The following PLCG2 variants were observed in gnomAD, a reference collection of about 807,000 sequenced individuals.
PLCG2 encodes phospholipase C gamma 2.
In PLCG2, 69 loss-of-function variants were observed where a neutral mutation model predicts 175.6. The ratio of observed to expected loss-of-function variants is 0.39; its 90% CI spans 0.32 to 0.48. The LOEUF (loss-of-function observed/expected upper bound fraction) is 0.48. PLCG2 is among the 20% of genes least tolerant of loss of function. The pLI, the probability that PLCG2 is intolerant of heterozygous loss-of-function variation, is 0.91. For missense variants in PLCG2, 1,798 were observed against 1,650.9 expected, an observed-to-expected ratio of 1.09 and a Z score of -1.54; for synonymous variants, 827 against 624.0, an observed-to-expected ratio of 1.33 and a Z score of -4.85.
At chr16:81,826,648 A>C (rs181475723) in intron 2 of PLCG2, among the ~76,000 whole-genome samples, 1 of 152,204 alleles carries the variant, frequency 6.6e-6, no homozygotes, top group Admixed American at 6.5e-5. Context: ...CCACTCATTA[A>C]CCACGTCCTC....
intron 2 of PLCG2, among the ~76,000 whole-genome samples, chr16:81,846,464 C>A (rs1040103979): frequency 6.6e-6 from 1 of 152,250 alleles, no homozygotes; most frequent in Non-Finnish European, 1.5e-5. Context: ...CCTATGATAA[C>A]ATGCAAAACA....
rs940572000 is a variant in PLCG2 at position 81,936,390 on chromosome 16, C to A, written c.3052+12C>A. 6.2e-7 allele frequency: 1 copy of A among 1,610,194 alleles called. No individual in the cohort carries two copies. Among genetic ancestry groups the A allele is most frequent in the Non-Finnish European group, 8.5e-7 (1 of 1,177,510 alleles). On this transcript the variant is annotated intron_variant, in intron 27 of 32. Coordinates refer to ENST00000564138, the MANE Select transcript of PLCG2 (RefSeq NM_002661.5). ...TTTCCAGACGGCAGGTAAAGGCCGA[C>A]TGAAGGTAGTCCCGTCCCTGCAAGG...
intron 2 of PLCG2, among the ~76,000 whole-genome samples, chr16:81,841,944 C>T (rs1218576754): frequency 1.3e-5 from 2 of 152,232 alleles, no homozygotes; most frequent in South Asian, 2.1e-4. Flanking sequence ...GCTGGTGTTG[C>T]AAGGTGGTAC....
At chr16:81,817,434 G>A (rs189333257) in intron 2 of PLCG2, among the ~76,000 whole-genome samples, 112 of 152,334 alleles carry the variant, frequency 7.4e-4, no homozygotes, top group African/African-American at 2.5e-3. Context: ...TTTCGCTTTT[G>A]TTGCGCACGC....
intron 2 of PLCG2, among the ~76,000 whole-genome samples, chr16:81,807,341 C>G (rs1904285918): frequency 6.6e-6 from 1 of 152,258 alleles, no homozygotes; most frequent in African/African-American, 2.4e-5. Flanking sequence ...GAGGAGGGCA[C>G]TGAGGAGGAT....
intron 2 of PLCG2, among the ~76,000 whole-genome samples, chr16:81,795,572 G>A (rs1162740158): frequency 6.6e-6 from 1 of 152,210 alleles, no homozygotes; most frequent in East Asian, 1.9e-4. Flanking sequence ...CAAAGGTGTT[G>A]GAGGCTACCG....
chr16:81,939,115 C>T (rs1238750326), intron 29 of PLCG2, among the ~76,000 whole-genome samples, 200 bp downstream of exon 29: 1 of 152,142 alleles, frequency 6.6e-6, no homozygotes, highest in East Asian at 1.9e-4. Flanking sequence ...TTCCCCAGTG[C>T]TGTTTGCCTG....
chr16:81,841,204 CTTTATTTATTTATTTATTTA>C lies in PLCG2; in HGVS notation c.194-13209_194-13190del, dbSNP rs144363484. 3.0e-4 allele frequency among the ~76,000 whole-genome samples: 44 copies of C among 144,732 alleles called. 1 individual carries two copies. The highest frequency in any genetic ancestry group is 6.8e-4 in the South Asian group (3 of 4,386). 94.9% of individuals were successfully genotyped at this position (144,732 alleles called of 152,430 possible). On this transcript the variant is annotated intron_variant, in intron 2 of 32. Coordinates refer to ENST00000564138, the MANE Select transcript of PLCG2 (RefSeq NM_002661.5). ...CCCTATCTGCAGGCCAAAAAGTAAACTTTATTTATTTATTTATTTATTTATTTATTTATTTATTTATTTAT... is the reference window on the plus strand; with the variant it reads ...CCCTATCTGCAGGCCAAAAAGTAAACTTTATTTATTTATTTATTTATTTAT...
upstream of PLCG2, among the ~76,000 whole-genome samples, chr16:81,774,521 G>A (rs1346824233): frequency 6.6e-6 from 1 of 152,124 alleles, no homozygotes; most frequent in Admixed American, 6.6e-5. Flanking sequence ...GCTGGGACTC[G>A]GCTCGTCGCC....
At chr16:81,883,040 C>A (rs186006660) in intron 8 of PLCG2, among the ~76,000 whole-genome samples, 42 of 152,294 alleles carry the variant, frequency 2.8e-4, no homozygotes, top group African/African-American at 8.2e-4. Flanking sequence ...AATGTAGACA[C>A]CAGGGCCTGC....
chr16:81,801,654 G>A (rs758212115), intron 2 of PLCG2, among the ~76,000 whole-genome samples: 1 of 151,894 alleles, frequency 6.6e-6, no homozygotes, highest in Non-Finnish European at 1.5e-5. Flanking sequence ...CCATTTTTTC[G>A]ATATTAGATA....
intron 2 of PLCG2, among the ~76,000 whole-genome samples, chr16:81,805,330 T>C (rs767991529): frequency 4.0e-5 from 6 of 151,516 alleles, no homozygotes; most frequent in Non-Finnish European, 5.9e-5. Context: ...AAACTCTGTC[T>C]CTACTAAAAA....
At chr16:81,844,228 C>T (rs999824475) in intron 2 of PLCG2, among the ~76,000 whole-genome samples, 4 of 149,490 alleles carry the variant, frequency 2.7e-5, no homozygotes, top group East Asian at 2.0e-4. Context: ...CTCCTGACCT[C>T]GTGATCCACC....
intron 31 of PLCG2, among the ~76,000 whole-genome samples, chr16:81,954,662 C>G (rs1014183297): frequency 6.6e-6 from 1 of 152,196 alleles, no homozygotes; most frequent in Admixed American, 6.5e-5. Flanking sequence ...CTGCAAAGGA[C>G]ATTACTTCAT....
intron 2 of PLCG2, among the ~76,000 whole-genome samples, chr16:81,807,496 G>C (rs560417020): frequency 3.9e-5 from 6 of 152,312 alleles, no homozygotes; most frequent in Admixed American, 6.5e-5. Context: ...TGTCATCACT[G>C]TCACTAACGC....
At chr16:81,896,061 C>T in intron 13 of PLCG2, 134 bp downstream of exon 13, 1 of 1,109,378 alleles carries the variant, frequency 9.0e-7, no homozygotes, top group East Asian at 2.4e-5. Flanking sequence ...CCATCTTGGC[C>T]AAAGCCACTG....
intron 3 of PLCG2, among the ~76,000 whole-genome samples, chr16:81,855,529 A>G (rs982855376): frequency 2.0e-5 from 3 of 152,242 alleles, no homozygotes; most frequent in Non-Finnish European, 4.4e-5. Flanking sequence ...TTCTTTTACT[A>G]CATGTCTTTT....
chr16:81,847,690 A>G (rs974164480), intron 2 of PLCG2, among the ~76,000 whole-genome samples: 1 of 152,230 alleles, frequency 6.6e-6, no homozygotes, highest in African/African-American at 2.4e-5. Context: ...ATTGCATCTT[A>G]CTGAACATGG....
Position 81,938,819 on chromosome 16 carries a change from C to G in PLCG2, c.3217C>G (p.Leu1073Val). 1 of 1,608,880 alleles carries G rather than the reference C, an allele frequency of 6.2e-7. No homozygotes were observed. The change falls in exon 29 of 33, where the codon CTC becomes GTC. Residue 1073 changes from leucine (L) to valine (V), a missense_variant. By Grantham distance (32) the Leu-to-Val change is conservative. Transcript: ENST00000564138. ...LTVKVLGARH[L>V]PKLGRSIACP... is the part of the protein sequence containing the mutation. Reference sequence around the variant, plus strand: ...GTCCCAGGTTCTCGGTGCTCGCCATCTCCCCAAACTTGGACGAAGTATTGC... The same window carrying G: ...GTCCCAGGTTCTCGGTGCTCGCCATGTCCCCAAACTTGGACGAAGTATTGC...
Sources: allele counts gnomAD v4.1 joint callset (sites outside exome capture counted in the v4.1 genomes callset), GRCh38; gene constraint gnomAD v4.1.1; transcripts MANE v1.5; gene names NCBI Gene and HGNC (gene_info 2026-07-23, HGNC 2026-07-21).